The following ZNF195 variants were observed in gnomAD, a reference collection of about 807,000 sequenced individuals.
ZNF195 encodes the protein zinc finger protein 195.
In ZNF195, 11 loss-of-function variants were observed where a neutral mutation model predicts 19.5. The ratio of observed to expected loss-of-function variants is 0.57; its 90% CI spans 0.36 to 0.94. The LOEUF is 0.94. Among genes scored for constraint, ZNF195 ranks in the 40% least tolerant of loss-of-function variants. The pLI, the probability that ZNF195 is intolerant of heterozygous loss-of-function variation, is 0.01. For synonymous variants in ZNF195, 214 were observed against 248.1 expected, an observed-to-expected ratio of 0.86 and a Z score of 1.29; for missense variants, 582 against 709.0, an observed-to-expected ratio of 0.82 and a Z score of 2.03.
intron 3 of ZNF195, chr11:3,369,338 T>G: frequency 4.2e-6 from 1 of 235,952 alleles, no homozygotes; most frequent in Non-Finnish European, 8.8e-6. Flanking sequence ...ATTTAAAAGT[T>G]AGAAAAAGAT....
At chr11:3,360,975 T>C (rs1396494686) in intron 4 of ZNF195, among the ~76,000 whole-genome samples, 187 bp from the exon 5 acceptor site, 1 of 152,230 alleles carries the variant, frequency 6.6e-6, no homozygotes, top group Non-Finnish European at 1.5e-5. Flanking sequence ...AAAGATTGGT[T>C]TCTGCCCCCT....
chr11:3,378,918 A>C, intron 1 of ZNF195, 120 bp downstream of exon 1: 2 of 1,204,014 alleles, frequency 1.7e-6, no homozygotes, highest in Non-Finnish European at 2.1e-6. Flanking sequence ...GTGCAGCTGG[A>C]GGGGCCTCGG....
intron 3 of ZNF195, chr11:3,369,127 G>C: frequency 3.6e-6 from 1 of 278,082 alleles, no homozygotes; most frequent in Non-Finnish European, 7.2e-6. Context: ...TGGATACTAG[G>C]ATGGCTAATA....
intron 1 of ZNF195, chr11:3,373,445 G>GA (rs1287058774): frequency 1.9e-5 from 14 of 726,690 alleles, no homozygotes; most frequent in Middle Eastern, 2.3e-4. Flanking sequence ...ATTATTATAA[G>GA]AAAAAAAAGT....
At chr11:3,363,177 A>G (rs1848713322) in intron 3 of ZNF195, 1 of 152,248 alleles carries the variant, frequency 6.6e-6, no homozygotes, top group Non-Finnish European at 1.5e-5. Context: ...CAATTACAGC[A>G]TCAAAGCAAG....
chr11:3,378,963 G>T, intron 1 of ZNF195, 75 bp downstream of exon 1: 1 of 1,331,928 alleles, frequency 7.5e-7, no homozygotes, highest in Admixed American at 3.4e-5. Flanking sequence ...GGGCAGCCCG[G>T]TTCCTCCCGA....
Position 3,371,716 on chromosome 11 carries a change from C to T in ZNF195, c.4-13G>A. 1 of 1,584,660 alleles carries T rather than the reference C, an allele frequency of 6.3e-7. No individual in the cohort carries two copies. On this transcript the variant is annotated splice_polypyrimidine_tract_variant and intron_variant, in intron 1 of 5. Transcript: ENST00000399602. The stretch of plus-strand genomic sequence containing the variant: ...ACGTCAACAGAGTCTGAAGAAGAAA[C>T]AACAACAATAACAAATACTTGATTC...
chr11:3,372,084 G>A (rs1469460677), intron 1 of ZNF195, among the ~76,000 whole-genome samples: 1 of 152,166 alleles, frequency 6.6e-6, no homozygotes, highest in African/African-American at 2.4e-5. Flanking sequence ...GGAAATCGGA[G>A]GTCAAGGCTG....
At position 3,358,922 on chromosome 11, in the gene ZNF195, GT is replaced by G; in HGVS notation, c.*195del. 1 of 673,068 alleles carries G rather than the reference GT, an allele frequency of 1.5e-6. No individual in the cohort carries two copies. The highest frequency in any genetic ancestry group is 2.1e-6 in the Non-Finnish European group (1 of 473,758). The allele number at this position is 673,068 out of a possible 1,614,324, so 41.7% of individuals were successfully genotyped here. ...CTGAAAGTTTAAGCAACTGATGCAA[GT>G]CTTCCATCTAGTATAATTGTAACAT... On this transcript the variant is annotated 3_prime_UTR_variant, in exon 6 of 6. Coordinates refer to ENST00000399602, the MANE Select transcript of ZNF195 (RefSeq NM_001130520.3).
intron 1 of ZNF195, chr11:3,377,798 T>A (rs1459313843): frequency 9.1e-6 from 9 of 993,794 alleles, no homozygotes; most frequent in Non-Finnish European, 9.6e-6. Context: ...TGGACAATAC[T>A]GAAACTGAGG....
At position 3,359,754 on chromosome 11, in the gene ZNF195, G is replaced by A. The variant is rs747428542; in HGVS notation, c.1254C>T (p.Ile418=). The A allele has an allele frequency of 6.2e-7, 1 of 1,614,230 alleles. No individual in the cohort carries two copies. The highest frequency in any genetic ancestry group is 2.2e-5 in the East Asian group (1 of 44,882). ...KPFKCEECDS[I]FKWFSDLTKH... ...TAGTAAGGTCTGAGAACCACTTGAAGATGCTGTCACATTCCTCACATTTGA... is the reference window on the plus strand; with the variant it reads ...TAGTAAGGTCTGAGAACCACTTGAAAATGCTGTCACATTCCTCACATTTGA... The change falls in exon 6 of 6, where the codon ATC becomes ATT. Residue 418 remains isoleucine, a synonymous_variant. Coordinates refer to ENST00000399602, the MANE Select transcript of ZNF195 (RefSeq NM_001130520.3). The surrounding 1 kb of genome is among the most constrained non-coding windows in gnomAD (Gnocchi z 5.5).
Position 3,371,600 on chromosome 11 carries a change from T to C in ZNF195, c.107A>G (p.Asn36Ser). 1 of 1,614,152 alleles carries C rather than the reference T, an allele frequency of 6.2e-7. No homozygotes were observed. Among genetic ancestry groups the C allele is most frequent in the East Asian group, 2.2e-5 (1 of 44,880 alleles). Reference protein sequence around the residue: ...QNLYRDVMLENYRNLFSVGLT... With the variant: ...QNLYRDVMLESYRNLFSVGLT... ...ACCAACGGAGAACAAGTTTCTGTAG[T>C]TCTCCAACATCACATCCCTGTACAA... Residue 36 changes from asparagine to serine, a missense_variant, in exon 2 of 6, where the codon AAC (asparagine) becomes AGC (serine). This residue lies in a region of ZNF195 where 46 missense variants were observed against 66.5 expected (regional missense o/e 0.69). Coordinates refer to ENST00000399602, the MANE Select transcript of ZNF195 (RefSeq NM_001130520.3).
intron 3 of ZNF195, among the ~76,000 whole-genome samples, chr11:3,366,527 T>C (rs1848893918): frequency 6.6e-6 from 1 of 152,046 alleles, no homozygotes. Context: ...TAAAAATAGA[T>C]GAAGGACTAA....
At chr11:3,369,728 G>A (rs896501819) in intron 3 of ZNF195, among the ~76,000 whole-genome samples, 2 of 152,200 alleles carry the variant, frequency 1.3e-5, no homozygotes, top group Admixed American at 1.3e-4. Context: ...GCCAGGGCCT[G>A]GAGTTGGGGA....
chr11:3,374,224 C>T (rs3829282), intron 1 of ZNF195, among the ~76,000 whole-genome samples: 19,867 of 152,180 alleles, frequency 0.13, 1,659 homozygotes, highest in East Asian at 0.42. Context: ...TTTGGCCCCA[C>T]TCTAAGTCAT....
intron 3 of ZNF195, chr11:3,362,947 A>G (rs1848703845): frequency 6.2e-6 from 1 of 160,372 alleles, no homozygotes; most frequent in Admixed American, 6.4e-5. Context: ...TTACAATTGT[A>G]TTATGCAAAA....
intron 1 of ZNF195, among the ~76,000 whole-genome samples, chr11:3,372,878 T>C (rs73410545): frequency 6.6e-6 from 1 of 152,194 alleles, no homozygotes; most frequent in Non-Finnish European, 1.5e-5. Flanking sequence ...ACTACCCACA[T>C]GTGCCACCAC....
chr11:3,361,999 C>T (rs1474362332), intron 3 of ZNF195, 110 bp from the exon 4 acceptor site: 1 of 443,110 alleles, frequency 2.3e-6, no homozygotes, highest in South Asian at 1.6e-5. Flanking sequence ...GTGGAGGCCG[C>T]AGTGAGCCAC....
chr11:3,359,594 C>A lies in ZNF195; in HGVS notation c.1414G>T (p.Gly472Trp), dbSNP rs780970269. 1 of 1,613,550 alleles carries A rather than the reference C, an allele frequency of 6.2e-7. No homozygotes were observed. Among genetic ancestry groups the A allele is most frequent in the South Asian group, 1.1e-5 (1 of 91,044 alleles). ...CTTGAGCAAGTTCTGAAGACCTTCC[C>A]ACATTCTTCACATTGGTAGGGTTTC... ...GEKPYQCEEC[G>W]KVFRTCSSLS... Residue 472 changes from glycine (G) to tryptophan (W), a missense_variant, in exon 6 of 6, where the codon GGG becomes TGG. Gly to Trp is a radical substitution (Grantham distance 184). Transcript: ENST00000399602. The surrounding 1 kb of genome is among the most constrained non-coding windows in gnomAD (Gnocchi z 5.5).
Sources: gnomAD v4.1 joint callset for allele counts (sites outside exome capture counted in the v4.1 genomes callset) on GRCh38, gnomAD v4.1.1 for gene constraint, gnomAD v4.1.1 regional missense constraint, Gnocchi (gnomAD v3.1) non-coding constraint, MANE v1.5 for transcripts, NCBI Gene and HGNC (gene_info 2026-07-23, HGNC 2026-07-21) for gene names.